The following ST8SIA5 variants were observed in gnomAD, a reference collection of about 807,000 sequenced individuals.
ST8SIA5 encodes the protein alpha-2,8-sialyltransferase 8E.
A neutral mutation model predicts 40.2 loss-of-function variants in ST8SIA5; 24 were observed. The ratio of observed to expected loss-of-function variants is 0.60; its 90% confidence interval spans 0.43 to 0.84. The LOEUF (loss-of-function observed/expected upper bound fraction) is 0.84. ST8SIA5 is among the 40% of genes least tolerant of loss of function. ST8SIA5 has a pLI of 0.00. For synonymous variants in ST8SIA5, 198 were observed against 201.8 expected, an observed-to-expected ratio of 0.98 and a Z score of 0.16; for missense variants, 465 against 498.5, an observed-to-expected ratio of 0.93 and a Z score of 0.64.
intron 4 of ST8SIA5, 22 bp downstream of exon 4, chr18:46,688,753 C>T (rs200424591): frequency 1.3e-6 from 2 of 1,596,098 alleles, no homozygotes; most frequent in South Asian, 1.1e-5. Context: ...CCCACCCAGA[C>T]CGCCCCCGCC....
intron 4 of ST8SIA5, among the ~76,000 whole-genome samples, chr18:46,686,678 C>A (rs2039451243): frequency 6.6e-6 from 1 of 152,148 alleles, no homozygotes; most frequent in African/African-American, 2.4e-5. Flanking sequence ...TTAAGGGGGA[C>A]TTCTGCGGGA....
chr18:46,755,224 C>T (rs1440908044), intron 1 of ST8SIA5, among the ~76,000 whole-genome samples: 1 of 152,206 alleles, frequency 6.6e-6, no homozygotes, highest in Non-Finnish European at 1.5e-5. Flanking sequence ...GCGATCCTCA[C>T]CCTCCCACCT....
At chr18:46,712,739 A>G (rs1183518403) in intron 1 of ST8SIA5, among the ~76,000 whole-genome samples, 2 of 152,192 alleles carry the variant, frequency 1.3e-5, no homozygotes, top group Non-Finnish European at 2.9e-5. Context: ...GCACTGATGA[A>G]CTGGCCAGTG....
At chr18:46,706,002 C>A (rs1292751324) in intron 1 of ST8SIA5, among the ~76,000 whole-genome samples, 1 of 151,994 alleles carries the variant, frequency 6.6e-6, no homozygotes, top group African/African-American at 2.4e-5. Context: ...ATATTGGCTT[C>A]TTTTAAAAAT....
chr18:46,756,391 T>G lies in ST8SIA5; in HGVS notation c.118A>C (p.Asn40His). 6.2e-7 allele frequency: 1 copy of G among 1,612,584 alleles called. No individual in the cohort carries two copies. The highest frequency in any genetic ancestry group is 1.1e-5 in the South Asian group (1 of 90,974). The change falls in exon 1 of 7, where the codon AAC becomes CAC. Residue 40 changes from asparagine to histidine, a missense_variant. Coordinates refer to ENST00000315087, the MANE Select transcript of ST8SIA5 (RefSeq NM_013305.6). ...TLLQQILYGR[N>H]YIKRYFEFYE... Reference sequence around the variant, plus strand: ...GGACTTTCTTACCTCTTAATGTAGTTCCTGCCATACAGGATCTGTTGCAGC... The same window carrying G: ...GGACTTTCTTACCTCTTAATGTAGTGCCTGCCATACAGGATCTGTTGCAGC...
At chr18:46,756,340 G>C in intron 1 of ST8SIA5, 38 bp downstream of exon 1, 2 of 1,601,084 alleles carry the variant, frequency 1.2e-6, no homozygotes, top group Non-Finnish European at 8.5e-7. Context: ...CTCGCCGGCC[G>C]GCTCCGCGCA....
chr18:46,755,803 T>C (rs2040238117), intron 1 of ST8SIA5, among the ~76,000 whole-genome samples: 1 of 151,796 alleles, frequency 6.6e-6, no homozygotes, highest in African/African-American at 2.4e-5. Context: ...GGTTGTTGAG[T>C]TTCACAGATC....
chr18:46,734,080 G>T (rs1272516331), intron 1 of ST8SIA5, among the ~76,000 whole-genome samples: 1 of 152,104 alleles, frequency 6.6e-6, no homozygotes, highest in African/African-American at 2.4e-5. Context: ...CTCAGAGAAG[G>T]TGCCAGGACC....
intron 1 of ST8SIA5, among the ~76,000 whole-genome samples, chr18:46,710,412 TTTC>T (rs1568263162): frequency 7.7e-6 from 1 of 130,512 alleles, no homozygotes; most frequent in Non-Finnish European, 1.6e-5. Context: ...TCTTTCTTTC[TTTC>T]TTTTTCTTTC....
At chr18:46,743,435 C>T (rs2040106826) in intron 1 of ST8SIA5, among the ~76,000 whole-genome samples, 3 of 151,934 alleles carry the variant, frequency 2.0e-5, no homozygotes, top group Non-Finnish European at 2.9e-5. Context: ...CTTCAATAGC[C>T]GATTCGATCA....
intron 1 of ST8SIA5, among the ~76,000 whole-genome samples, chr18:46,737,610 T>G (rs761792116): frequency 6.6e-6 from 1 of 152,204 alleles, no homozygotes; most frequent in African/African-American, 2.4e-5. Context: ...TCTTACCAGC[T>G]GTGTGACTTT....
chr18:46,714,101 C>T (rs998953817), intron 1 of ST8SIA5, among the ~76,000 whole-genome samples: 2 of 152,112 alleles, frequency 1.3e-5, no homozygotes, highest in East Asian at 1.9e-4. Context: ...GGAAGCACTT[C>T]GAACCAGGAG....
At chr18:46,723,465 T>C (rs76012377) in intron 1 of ST8SIA5, among the ~76,000 whole-genome samples, 13,417 of 151,840 alleles carry the variant, frequency 0.088, 866 homozygotes, top group East Asian at 0.33. Flanking sequence ...GGCGGGAGAA[T>C]CCCTTGATCC....
At chr18:46,692,309 G>A (rs1040546391) in intron 2 of ST8SIA5, 54 bp from the exon 3 acceptor site, 44 of 1,544,602 alleles carry the variant, frequency 2.8e-5, no homozygotes, top group South Asian at 1.7e-4. Context: ...GACAGAGCGC[G>A]ATCATTCCCA....
rs1214071047 is a variant in ST8SIA5, at chr18:46,756,615, G to T, written c.-107C>A. The T allele has an allele frequency of 3.7e-6, 5 of 1,335,288 alleles. No homozygotes were observed. The South Asian group carries it at 7.5e-5, about 20-fold the overall frequency. The allele number at this position is 1,335,288 out of a possible 1,614,324, so 82.7% of individuals were successfully genotyped here. A position where few individuals can be genotyped will look rare whatever the true frequency, so the allele number is the denominator to read the frequency against. On this transcript the variant is annotated 5_prime_UTR_variant, in exon 1 of 7. Coordinates refer to ENST00000315087, the MANE Select transcript of ST8SIA5 (RefSeq NM_013305.6). ...CGGCCGACTTGGCGCCTCACGGTGC[G>T]GTCAGGCAGGCGGGGGACTTCGAGG...
In ST8SIA5 at chr18:46,680,139, G is replaced by A. The variant is rs761384435; in HGVS notation, c.1034C>T (p.Pro345Leu). The A allele has an allele frequency of 1.2e-6, 2 of 1,614,228 alleles. No individual in the cohort carries two copies. Among genetic ancestry groups the A allele is most frequent in the Non-Finnish European group, 1.7e-6 (2 of 1,180,048 alleles). The part of the protein sequence containing the change: ...HHYYDNVKPR[P>L]GFHAMPSEIF... ...CTCAGAGGGCATGGCGTGGAAGCCG[G>A]GACGCGGCTTGACGTTGTCATAGTA... The change falls in exon 7 of 7, where the codon CCC (proline) becomes CTC (leucine). Residue 345 changes from proline (P) to leucine (L), a missense_variant. Pro to Leu is a moderately conservative substitution (Grantham distance 98). Coordinates refer to ENST00000315087, the MANE Select transcript of ST8SIA5 (RefSeq NM_013305.6).
At chr18:46,693,174 A>T (rs1012232443) in intron 2 of ST8SIA5, among the ~76,000 whole-genome samples, 1 of 151,904 alleles carries the variant, frequency 6.6e-6, no homozygotes, top group Non-Finnish European at 1.5e-5. Context: ...TACCTGATTA[A>T]AACAAATCCC....
chr18:46,718,291 C>T (rs2039813472), intron 1 of ST8SIA5, among the ~76,000 whole-genome samples: 2 of 143,070 alleles, frequency 1.4e-5, no homozygotes, highest in Admixed American at 1.5e-4. Flanking sequence ...GATTGCATCA[C>T]TGCACTCCAG....
At chr18:46,700,632 G>A (rs1275287212) in intron 2 of ST8SIA5, among the ~76,000 whole-genome samples, 2 of 152,174 alleles carry the variant, frequency 1.3e-5, no homozygotes, top group Non-Finnish European at 2.9e-5. Flanking sequence ...CAGACTCCCA[G>A]GGCTTGGGGT....
Sources: gnomAD v4.1 joint callset for allele counts (sites outside exome capture counted in the v4.1 genomes callset) on GRCh38, gnomAD v4.1.1 for gene constraint, MANE v1.5 for transcripts, NCBI Gene and HGNC (gene_info 2026-07-23, HGNC 2026-07-21) for gene names.